ATP11A: variants seen among roughly 807,000 people sequenced by gnomAD.
ATP11A encodes phospholipid-transporting ATPase IH.
A neutral mutation model predicts 154.4 loss-of-function variants in ATP11A; 81 were observed. That is an observed-to-expected ratio of 0.52 (90% CI 0.44 to 0.63). The LOEUF is 0.63. Among genes scored for constraint, ATP11A ranks in the 30% least tolerant of loss-of-function variants. The probability of loss-of-function intolerance (pLI) is 0.00; values close to 1 mark genes in which losing one functional copy is unlikely to be tolerated. For synonymous variants in ATP11A, 623 were observed against 585.9 expected, an observed-to-expected ratio of 1.06 and a Z score of -0.91; for missense variants, 1,316 against 1,474.3, an observed-to-expected ratio of 0.89 and a Z score of 1.76.
At chr13:112,788,001 T>G (rs2077701949) in intron 2 of ATP11A, among the ~76,000 whole-genome samples, 2 of 150,354 alleles carry the variant, frequency 1.3e-5, no homozygotes, top group African/African-American at 4.9e-5. Context: ...TCCTGATGTG[T>G]AGACCCCTGT....
At chr13:112,821,211 A>G (rs2078788616) in intron 8 of ATP11A, among the ~76,000 whole-genome samples, 1 of 152,216 alleles carries the variant, frequency 6.6e-6, no homozygotes. Context: ...CAGGCTTTTC[A>G]TCTTTATAGT....
intron 1 of ATP11A, among the ~76,000 whole-genome samples, chr13:112,706,475 C>T (rs181720658): frequency 2.6e-5 from 4 of 152,282 alleles, no homozygotes; most frequent in African/African-American, 7.2e-5. Context: ...GAAATTGGAA[C>T]GAGGATGTTT....
At chr13:112,805,193 G>A in intron 3 of ATP11A, 147 bp downstream of exon 3, 1 of 515,244 alleles carries the variant, frequency 1.9e-6, no homozygotes, top group Non-Finnish European at 3.2e-6. Flanking sequence ...CTTAAGGAAG[G>A]GCAAAATGTC....
chr13:112,745,467 T>C (rs1892025569), intron 1 of ATP11A: 1 of 152,256 alleles, frequency 6.6e-6, no homozygotes, highest in African/African-American at 2.4e-5. Context: ...CATTCTTTTA[T>C]TCAGTTGGTA....
In ATP11A at chr13:112,714,165, T is replaced by C. The variant is rs148955457; in HGVS notation, c.39+23710T>C. ...ACTCCTCCCACCCGGCTTCCTTTCC[T>C]GGCCCCACGTCTACTGGAATTCCAC... is the stretch of plus-strand genomic sequence containing the variant. On this transcript the variant is annotated intron_variant, in intron 1 of 29. Transcript: ENST00000375645. 8.4e-3 allele frequency among the ~76,000 whole-genome samples: 568 copies of C among 67,812 alleles called. 5 individuals carry two copies. The highest frequency in any genetic ancestry group is 0.029 in the African/African-American group (529 of 18,142). 44.5% of individuals were successfully genotyped at this position (67,812 alleles called of 152,430 possible). A position where few individuals can be genotyped will look rare whatever the true frequency, so the allele number is the denominator to read the frequency against.
At chr13:112,742,006 CT>C (rs1020912362) in intron 1 of ATP11A, among the ~76,000 whole-genome samples, 21 of 151,574 alleles carry the variant, frequency 1.4e-4, no homozygotes, top group African/African-American at 4.8e-4. Context: ...AGTGGTCCCC[CT>C]CCCCACAGAA....
At chr13:112,722,131 A>C (rs1235665701) in intron 1 of ATP11A, among the ~76,000 whole-genome samples, 1 of 152,162 alleles carries the variant, frequency 6.6e-6, no homozygotes, top group Non-Finnish European at 1.5e-5. Flanking sequence ...GGCCTGTCAC[A>C]CAGTCCTCAG....
chr13:112,732,843 C>A (rs752548043), intron 1 of ATP11A, among the ~76,000 whole-genome samples: 96 of 152,178 alleles, frequency 6.3e-4, no homozygotes, highest in Non-Finnish European at 9.8e-4. Flanking sequence ...GAACTCCCGA[C>A]CTCAGGTGAT....
chr13:112,838,110 G>A lies in ATP11A; in HGVS notation c.1705+1859G>A, dbSNP rs1455653215. Among the ~76,000 whole-genome samples the A allele has an allele frequency of 6.6e-6, 1 of 152,178 alleles. No individual in the cohort carries two copies. Among genetic ancestry groups the A allele is most frequent in the African/African-American group, 2.4e-5 (1 of 41,430 alleles). On this transcript the variant is annotated intron_variant, in intron 16 of 29. Coordinates refer to ENST00000375645, the MANE Select transcript of ATP11A (RefSeq NM_015205.3). The surrounding 1 kb of genome is among the most constrained non-coding windows in gnomAD (Gnocchi z 7.3). The stretch of plus-strand genomic sequence containing the variant: ...GTGTGAATGTTGCCAGGACTCCCAC[G>A]AAGAGCTTTTGCCAGCCAGACCGTG...
At chr13:112,718,417 G>A (rs946098511) in intron 1 of ATP11A, among the ~76,000 whole-genome samples, 3 of 152,170 alleles carry the variant, frequency 2.0e-5, no homozygotes, top group African/African-American at 7.2e-5. Flanking sequence ...TCTTCTGTCT[G>A]TTCCAAACAC....
intron 1 of ATP11A, among the ~76,000 whole-genome samples, chr13:112,719,007 AG>A (rs763298677): frequency 6.6e-6 from 1 of 152,150 alleles, no homozygotes; most frequent in Non-Finnish European, 1.5e-5. Context: ...GTAGGGATTG[AG>A]GGAGGGTTAG....
chr13:112,703,383 AT>A (rs1886800948), intron 1 of ATP11A: 1 of 152,200 alleles, frequency 6.6e-6, no homozygotes, highest in African/African-American at 2.4e-5. Flanking sequence ...GTCCAATCAC[AT>A]TAGGGGTTAG....
chr13:112,832,071 G>A (rs1201781340), intron 13 of ATP11A, among the ~76,000 whole-genome samples: 2 of 151,418 alleles, frequency 1.3e-5, no homozygotes, highest in Non-Finnish European at 2.9e-5. Context: ...ATGCTCACAT[G>A]CAGACACACA....
intron 27 of ATP11A, 28 bp downstream of exon 27, chr13:112,873,704 C>A: frequency 6.4e-7 from 1 of 1,567,224 alleles, no homozygotes; most frequent in Non-Finnish European, 8.8e-7. Context: ...AGCTGATAAT[C>A]TGATAAATAT....
intron 14 of ATP11A, among the ~76,000 whole-genome samples, chr13:112,834,378 A>G (rs1466710327): frequency 1.3e-5 from 2 of 152,262 alleles, no homozygotes; most frequent in Non-Finnish European, 2.9e-5. Context: ...TGGGTTGGGT[A>G]GAAATTCTCT....
In ATP11A at chr13:112,785,917, A is replaced by C. The variant is rs138609847; in HGVS notation, c.162+660A>C. Reference sequence around the variant, plus strand: ...TGGGGTAAACTGTGCTTTCCAGGTAATGCGGAACGCACGTGCCTGCGTTCA... The same window carrying C: ...TGGGGTAAACTGTGCTTTCCAGGTACTGCGGAACGCACGTGCCTGCGTTCA... On this transcript the variant is annotated intron_variant, in intron 2 of 29. Transcript: ENST00000375645. The surrounding 1 kb of genome is among the most constrained non-coding windows in gnomAD (Gnocchi z 4.8). Among the ~76,000 whole-genome samples, 56 of 151,978 alleles carry C rather than the reference A, an allele frequency of 3.7e-4. No homozygotes were observed. The highest frequency in any genetic ancestry group is 2.8e-3 in the East Asian group (14 of 5,062).
chr13:112,717,937 C>G (rs573503368), intron 1 of ATP11A, among the ~76,000 whole-genome samples: 3 of 152,118 alleles, frequency 2.0e-5, no homozygotes, highest in Non-Finnish European at 4.4e-5. Flanking sequence ...ATTAGCTGAG[C>G]GTGGTGGTGC....
chr13:112,691,058 C>A (rs893204078), intron 1 of ATP11A, among the ~76,000 whole-genome samples: 2 of 152,140 alleles, frequency 1.3e-5, no homozygotes, highest in African/African-American at 2.4e-5. Flanking sequence ...CTGGAATTTG[C>A]CCCTTCAGTG....
intron 1 of ATP11A, among the ~76,000 whole-genome samples, chr13:112,744,727 G>A (rs779128888): frequency 3.3e-5 from 5 of 152,204 alleles, no homozygotes; most frequent in Non-Finnish European, 7.3e-5. Flanking sequence ...TAGTCACCCG[G>A]CTGGTGTGTA....
Sources: allele counts gnomAD v4.1 joint callset (sites outside exome capture counted in the v4.1 genomes callset), GRCh38; gene constraint gnomAD v4.1.1; non-coding constraint Gnocchi (gnomAD v3.1); transcripts MANE v1.5; gene names NCBI Gene and HGNC (gene_info 2026-07-23, HGNC 2026-07-21).